The following MTMR3 variants were observed in gnomAD, a reference collection of about 807,000 sequenced individuals.
MTMR3 encodes myotubularin related protein 3.
A neutral mutation model predicts 132.4 loss-of-function variants in MTMR3; 32 were observed. That is an observed-to-expected ratio of 0.24 (90% CI 0.18 to 0.32). The LOEUF is 0.32. Among genes scored for constraint, MTMR3 ranks in the 10% least tolerant of loss-of-function variants. The pLI, the probability that MTMR3 is intolerant of heterozygous loss-of-function variation, is 1.00. For missense variants in MTMR3, 1,216 were observed against 1,489.6 expected (o/e 0.82, Z 3.02); for synonymous variants, 556 against 550.3 (o/e 1.01, Z -0.14).
chr22:30,007,262 A>G lies in MTMR3; in HGVS notation c.820A>G (p.Thr274Ala). The G allele has an allele frequency of 6.2e-7, 1 of 1,614,252 alleles. No homozygotes were observed. Among genetic ancestry groups the G allele is most frequent in the Non-Finnish European group, 8.5e-7 (1 of 1,180,038 alleles). The part of the protein sequence containing the change: ...DSRSSGSKLS[T>A]RNTSRDFPNG... ...CCGATCGAGTGGCAGCAAGCTGTCA[A>G]CTAGGAACACTTCTCGAGACTTTCC... The change falls in exon 10 of 20, where the codon ACT becomes GCT. Residue 274 changes from threonine (T) to alanine (A), a missense_variant. This residue lies in a region of MTMR3 where 47 missense variants were observed against 46.8 expected (regional missense o/e 1.00). Coordinates refer to ENST00000401950, the MANE Select transcript of MTMR3 (RefSeq NM_021090.4).
Position 29,998,745 on chromosome 22 carries a change from T to C in MTMR3, c.461-16T>C. 6.2e-7 allele frequency: 1 copy of C among 1,600,600 alleles called. No homozygotes were observed. Among genetic ancestry groups the C allele is most frequent in the Non-Finnish European group, 8.5e-7 (1 of 1,173,620 alleles). ...TATTCATTTCTTCCTTTCTGCTGTT[T>C]ATCTTTGGCCTCTAGGGGAGCATGT... On this transcript the variant is annotated splice_polypyrimidine_tract_variant and intron_variant, in intron 7 of 19. Coordinates refer to ENST00000401950, the MANE Select transcript of MTMR3 (RefSeq NM_021090.4).
chr22:29,940,600 T>C (rs1254031864), intron 1 of MTMR3, among the ~76,000 whole-genome samples: 1 of 149,380 alleles, frequency 6.7e-6, no homozygotes, highest in African/African-American at 2.6e-5. Flanking sequence ...ATAGGAAAAA[T>C]CGGAACATTC....
At chr22:29,918,600 C>T (rs1474935829) in intron 1 of MTMR3, among the ~76,000 whole-genome samples, 1 of 152,130 alleles carries the variant, frequency 6.6e-6, no homozygotes, top group Non-Finnish European at 1.5e-5. Context: ...TCCGTTGTTA[C>T]TCAGTTTGTA....
At chr22:30,025,483 TC>T (rs1351482160) in intron 19 of MTMR3, 146 bp from the exon 20 acceptor site, 1 of 780,680 alleles carries the variant, frequency 1.3e-6, no homozygotes, top group African/African-American at 1.7e-5. Flanking sequence ...CCCAGCTTGT[TC>T]CTGGGCTAGA....
chr22:29,986,319 T>TG (rs2066856824), intron 5 of MTMR3: 2 of 152,642 alleles, frequency 1.3e-5, no homozygotes, highest in African/African-American at 4.8e-5. Context: ...AGCCACATTT[T>TG]GGGGGGATAT....
intron 1 of MTMR3, among the ~76,000 whole-genome samples, chr22:29,923,556 T>G (rs2065461169): frequency 6.6e-6 from 1 of 152,196 alleles, no homozygotes; most frequent in Non-Finnish European, 1.5e-5. Context: ...TTGTGCTTCT[T>G]TGGAACAATG....
chr22:29,960,648 T>C (rs907884763), intron 2 of MTMR3, among the ~76,000 whole-genome samples: 7 of 152,202 alleles, frequency 4.6e-5, no homozygotes, highest in African/African-American at 1.7e-4. Flanking sequence ...ATATGCATTA[T>C]ATCTTAATTC....
intron 12 of MTMR3, chr22:30,012,088 A>G: frequency 3.3e-6 from 1 of 304,786 alleles, no homozygotes; most frequent in South Asian, 5.1e-5. Context: ...GGACTGAAAA[A>G]TGTCAAATAT....
Position 29,966,854 on chromosome 22 carries a change from T to C in MTMR3, c.-84-4122T>C, listed in dbSNP as rs2066431042. On this transcript the variant is annotated intron_variant, in intron 2 of 19. Transcript: ENST00000401950. ...ATCCTGAAACCCAATCCATTGCATT[T>C]AACCATTTTGCTCAAATTATTTCAT... is the stretch of plus-strand genomic sequence containing the variant. 2.6e-5 allele frequency among the ~76,000 whole-genome samples: 4 copies of C among 151,972 alleles called. No homozygotes were observed. In the South Asian group the frequency reaches 8.3e-4, roughly 32 times the overall value.
intron 1 of MTMR3, among the ~76,000 whole-genome samples, chr22:29,901,385 T>G (rs2065000108): frequency 6.6e-6 from 1 of 152,058 alleles, no homozygotes; most frequent in Admixed American, 6.5e-5. Flanking sequence ...AGTTTAGTGT[T>G]CTTGCTTCGG....
intron 1 of MTMR3, among the ~76,000 whole-genome samples, chr22:29,918,173 A>G (rs770058177): frequency 6.6e-6 from 1 of 152,216 alleles, no homozygotes. Context: ...TTGGCATGAG[A>G]TGAACCTGGA....
At chr22:29,943,224 A>G (rs1157515243) in intron 1 of MTMR3, among the ~76,000 whole-genome samples, 6 of 150,904 alleles carry the variant, frequency 4.0e-5, no homozygotes, top group African/African-American at 7.3e-5. Context: ...ACAGAGTCTC[A>G]CTCTGTCACC....
chr22:29,971,151 A>G, intron 3 of MTMR3, 89 bp downstream of exon 3: 3 of 1,374,496 alleles, frequency 2.2e-6, no homozygotes, highest in Non-Finnish European at 3.0e-6. Flanking sequence ...ATACTTACCC[A>G]TTTTTGTTTT....
At position 30,029,009 on chromosome 22, in the gene MTMR3, G is replaced by A. The variant is rs1050527496; in HGVS notation, c.*3208G>A. On this transcript the variant is annotated 3_prime_UTR_variant, in exon 20 of 20. Coordinates refer to ENST00000401950, the MANE Select transcript of MTMR3 (RefSeq NM_021090.4). ...AAAACACTGGCATGGCCTAGGAAGG[G>A]CGTTGCGAGCTCCTAAATGGAAAGC... 1.3e-5 allele frequency: 2 copies of A among 152,420 alleles called. No individual in the cohort carries two copies. Among genetic ancestry groups the A allele is most frequent in the African/African-American group, 4.8e-5 (2 of 41,464 alleles). The allele number at this position is 152,420 out of a possible 1,614,324, so 9.4% of individuals were successfully genotyped here.
intron 1 of MTMR3, among the ~76,000 whole-genome samples, chr22:29,944,197 T>C (rs2065911713): frequency 6.6e-6 from 1 of 151,812 alleles, no homozygotes; most frequent in Non-Finnish European, 1.5e-5. Context: ...GTGGTTCCTT[T>C]TGAGACATTA....
intron 3 of MTMR3, among the ~76,000 whole-genome samples, chr22:29,973,747 T>C (rs986374441): frequency 6.6e-6 from 1 of 152,070 alleles, no homozygotes; most frequent in Admixed American, 6.5e-5. Flanking sequence ...TTACAGGCGC[T>C]TGCCACCACG....
intron 1 of MTMR3, among the ~76,000 whole-genome samples, chr22:29,889,025 T>C (rs1398482439): frequency 6.6e-6 from 1 of 152,042 alleles, no homozygotes; most frequent in Non-Finnish European, 1.5e-5. Flanking sequence ...TGATAAATCA[T>C]GACATAACTG....
intron 1 of MTMR3, among the ~76,000 whole-genome samples, chr22:29,925,810 G>A (rs1007076070): frequency 2.0e-5 from 3 of 152,154 alleles, no homozygotes; most frequent in Admixed American, 6.5e-5. Flanking sequence ...AGCTGTTTGG[G>A]AGGCTGAGGC....
intron 2 of MTMR3, among the ~76,000 whole-genome samples, chr22:29,966,544 A>G (rs1056158608): frequency 1.3e-5 from 2 of 152,174 alleles, no homozygotes; most frequent in Non-Finnish European, 2.9e-5. Context: ...AAATAGTATT[A>G]TCAAATTCTT....
Sources: gnomAD v4.1 joint callset for allele counts (sites outside exome capture counted in the v4.1 genomes callset) on GRCh38, gnomAD v4.1.1 for gene constraint, gnomAD v4.1.1 regional missense constraint, MANE v1.5 for transcripts, NCBI Gene and HGNC (gene_info 2026-07-23, HGNC 2026-07-21) for gene names.